The following TENM3 variants were observed in gnomAD, a reference collection of about 807,000 sequenced individuals.
TENM3 encodes teneurin-3.
TENM3 carries 63 observed loss-of-function variants against 255.1 expected under a neutral mutation model. The observed-to-expected ratio is 0.25, with a 90% CI of 0.20 to 0.30. The LOEUF is 0.30. TENM3 is among the 10% of genes least tolerant of loss of function. The pLI is 1.00. For missense variants in TENM3, 2,929 were observed against 3,461.1 expected, an observed-to-expected ratio of 0.85 and a Z score of 3.86; for synonymous variants, 1,306 against 1,322.3, an observed-to-expected ratio of 0.99 and a Z score of 0.27.
chr4:182,538,386 G>A (rs531956035), intron 3 of TENM3, among the ~76,000 whole-genome samples: 1 of 152,286 alleles, frequency 6.6e-6, no homozygotes, highest in East Asian at 1.9e-4. Context: ...TGGTACTTAA[G>A]CAGAGATTTG....
chr4:182,558,295 C>G (rs1263678353), intron 3 of TENM3, among the ~76,000 whole-genome samples: 2 of 152,164 alleles, frequency 1.3e-5, no homozygotes, highest in African/African-American at 4.8e-5. Context: ...CAGCTGGACT[C>G]TAGCTGTAAT....
At chr4:182,629,408 A>G (rs903218360) in intron 5 of TENM3, among the ~76,000 whole-genome samples, 1 of 152,206 alleles carries the variant, frequency 6.6e-6, no homozygotes, top group Non-Finnish European at 1.5e-5. Flanking sequence ...ATACTCATTC[A>G]TATATGTGGA....
chr4:181,982,947 G>A, the TENM3 span, among the ~76,000 whole-genome samples: 1 of 152,070 alleles, frequency 6.6e-6, no homozygotes. Context: ...GGGTCGATAG[G>A]GTTGAGGTGA....
At chr4:182,049,593 G>C in the TENM3 span, among the ~76,000 whole-genome samples, 1 of 152,220 alleles carries the variant, frequency 6.6e-6, no homozygotes, top group African/African-American at 2.4e-5. Flanking sequence ...GACATGAGCC[G>C]TATCCCTGCT....
the TENM3 span, among the ~76,000 whole-genome samples, chr4:181,993,686 T>C: frequency 6.6e-6 from 1 of 152,088 alleles, no homozygotes; most frequent in Non-Finnish European, 1.5e-5. Flanking sequence ...GTCCTATGCC[T>C]CAAACTTTAA....
chr4:182,015,873 C>T, the TENM3 span, among the ~76,000 whole-genome samples: 1 of 152,144 alleles, frequency 6.6e-6, no homozygotes, highest in African/African-American at 2.4e-5. Flanking sequence ...AGATGACCCT[C>T]CTCATCGTAC....
At position 182,673,872 on chromosome 4, in the gene TENM3, A is replaced by T. The variant is rs143462212; in HGVS notation, c.1326+653A>T. Reference sequence around the variant, plus strand: ...CCTTGCATAAAAATCCCCTCACAACAGCAATCACAGATGGAGAACTGCTGG... The same window carrying T: ...CCTTGCATAAAAATCCCCTCACAACTGCAATCACAGATGGAGAACTGCTGG... On this transcript the variant is annotated intron_variant, in intron 7 of 27. Transcript: ENST00000511685. Among the ~76,000 whole-genome samples the T allele has an allele frequency of 2.0e-5, 3 of 152,342 alleles. No individual in the cohort carries two copies. In the East Asian group the frequency reaches 5.8e-4, roughly 29 times the overall value.
At position 182,346,636 on chromosome 4, in the gene TENM3, T is replaced by C. The variant is rs377396812; in HGVS notation, c.233-15T>C. 15 of 1,610,680 alleles carry C rather than the reference T, an allele frequency of 9.3e-6. No homozygotes were observed. The African/African-American group carries it at 2.0e-4, about 22-fold the overall frequency. On this transcript the variant is annotated splice_polypyrimidine_tract_variant and intron_variant, in intron 2 of 27. Transcript: ENST00000511685. Reference sequence around the variant, plus strand: ...ATATACTCACTAGTTGTTATCTTTTTTTCCCCCTAATTAGGACAGAATTTT... The same window carrying C: ...ATATACTCACTAGTTGTTATCTTTTCTTCCCCCTAATTAGGACAGAATTTT...
chr4:181,593,308 A>G, the TENM3 span, among the ~76,000 whole-genome samples: 2 of 152,330 alleles, frequency 1.3e-5, no homozygotes, highest in South Asian at 4.1e-4. Context: ...CTAGGTTTTT[A>G]TAAACTGGCC....
intron 1 of TENM3, among the ~76,000 whole-genome samples, chr4:182,317,341 C>T (rs904825681): frequency 5.3e-5 from 8 of 152,128 alleles, no homozygotes; most frequent in African/African-American, 1.7e-4. Flanking sequence ...ACTCTGTCTC[C>T]GAGGCTAGAG....
intron 3 of TENM3, among the ~76,000 whole-genome samples, chr4:182,456,676 A>C (rs1451979450): frequency 6.6e-6 from 1 of 152,210 alleles, no homozygotes; most frequent in East Asian, 1.9e-4. Flanking sequence ...GGATGACTAA[A>C]GTAGGGAAGA....
At chr4:182,267,935 G>A (rs1466087620) in intron 1 of TENM3, among the ~76,000 whole-genome samples, 2 of 152,004 alleles carry the variant, frequency 1.3e-5, no homozygotes, top group African/African-American at 2.4e-5. Context: ...TGCAATCTAG[G>A]CTAACCCTGC....
chr4:182,320,111 T>TA (rs66988803), intron 1 of TENM3, among the ~76,000 whole-genome samples: 1 of 149,566 alleles, frequency 6.7e-6, no homozygotes, highest in South Asian at 2.1e-4. Flanking sequence ...AAACTCCGTC[T>TA]AAAAAAAAAA....
intron 3 of TENM3, among the ~76,000 whole-genome samples, chr4:182,388,148 A>G (rs1768131738): frequency 6.6e-6 from 1 of 152,026 alleles, no homozygotes; most frequent in Non-Finnish European, 1.5e-5. Context: ...TTTTCTCTGT[A>G]GCTGCCTCTT....
chr4:182,014,173 T>C, the TENM3 span, among the ~76,000 whole-genome samples: 1 of 148,070 alleles, frequency 6.8e-6, no homozygotes, highest in Non-Finnish European at 1.5e-5. Context: ...TATATATACA[T>C]ATATATATGT....
At chr4:182,041,651 T>C in the TENM3 span, among the ~76,000 whole-genome samples, 5 of 152,224 alleles carry the variant, frequency 3.3e-5, no homozygotes, top group East Asian at 9.6e-4. Context: ...GTGTTTTATT[T>C]ATTTTATTCT....
intron 3 of TENM3, among the ~76,000 whole-genome samples, chr4:182,473,744 G>A (rs1733393508): frequency 6.6e-6 from 1 of 152,012 alleles, no homozygotes; most frequent in South Asian, 2.1e-4. Flanking sequence ...GCCGAGGTGG[G>A]AGGATTGCTT....
chr4:181,742,842 A>G, the TENM3 span, among the ~76,000 whole-genome samples: 1 of 73,342 alleles, frequency 1.4e-5, no homozygotes, highest in East Asian at 4.5e-4. Context: ...CCTCCCCACA[A>G]CAGTCCCCAG....
chr4:182,766,704 A>G (rs1302501643), intron 22 of TENM3, among the ~76,000 whole-genome samples: 1 of 152,102 alleles, frequency 6.6e-6, no homozygotes, highest in African/African-American at 2.4e-5. Flanking sequence ...GCCCTTGTCT[A>G]CATGCCTCTG....
Sources: allele counts gnomAD v4.1 joint callset (sites outside exome capture counted in the v4.1 genomes callset), GRCh38; gene constraint gnomAD v4.1.1; transcripts MANE v1.5; gene names NCBI Gene and HGNC (gene_info 2026-07-23, HGNC 2026-07-21).